Variants in CTNNA2 observed in about 807,000 individuals in gnomAD.
CTNNA2 encodes catenin alpha 2.
CTNNA2 carries 42 observed loss-of-function variants against 101.0 expected under a neutral mutation model. The observed-to-expected ratio is 0.42, with a 90% CI of 0.32 to 0.54. The LOEUF (loss-of-function observed/expected upper bound fraction) is 0.54. Among genes scored for constraint, CTNNA2 ranks in the 20% least tolerant of loss-of-function variants. CTNNA2 has a pLI of 0.14. For synonymous variants in CTNNA2, 450 were observed against 456.4 expected (o/e 0.99, Z 0.18); for missense variants, 871 against 1,223.1 (o/e 0.71, Z 4.29).
At chr2:80,418,024 CA>C (rs552434513) in intron 8 of CTNNA2, among the ~76,000 whole-genome samples, 2 of 152,142 alleles carry the variant, frequency 1.3e-5, no homozygotes, top group Non-Finnish European at 2.9e-5. Context: ...TACTTTATCT[CA>C]ACCTTCTCTT....
chr2:79,849,325 C>T (rs1034400969), intron 3 of CTNNA2, among the ~76,000 whole-genome samples: 12 of 147,492 alleles, frequency 8.1e-5, no homozygotes, highest in African/African-American at 2.8e-4. Flanking sequence ...ATAAGGCTTT[C>T]TTCTGAATAC....
rs866026373 is a variant in CTNNA2, at chr2:79,762,685, G to A, written c.298+18103G>A. ...CATGTTTATATTTCATTTATGTTCTGTCTTGAAAATGAATATAATCAATTA... is the reference window on the plus strand; with the variant it reads ...CATGTTTATATTTCATTTATGTTCTATCTTGAAAATGAATATAATCAATTA... On this transcript the variant is annotated intron_variant, in intron 3 of 18. Transcript: ENST00000402739. 2.0e-5 allele frequency among the ~76,000 whole-genome samples: 3 copies of A among 152,088 alleles called. No homozygotes were observed. The South Asian group carries it at 6.2e-4, about 32-fold the overall frequency.
chr2:80,640,225 GA>G (rs1468188835), intron 18 of CTNNA2, among the ~76,000 whole-genome samples: 1 of 152,198 alleles, frequency 6.6e-6, no homozygotes, highest in Non-Finnish European at 1.5e-5. Context: ...GCCATAAACA[GA>G]ATCAAGTTTT....
intron 7 of CTNNA2, among the ~76,000 whole-genome samples, chr2:80,002,802 A>G (rs940843206): frequency 6.6e-6 from 1 of 152,138 alleles, no homozygotes; most frequent in Non-Finnish European, 1.5e-5. Flanking sequence ...TCACTGATAT[A>G]CTTCTGCCTA....
At chr2:79,831,719 C>T (rs917408679) in intron 3 of CTNNA2, among the ~76,000 whole-genome samples, 7 of 148,376 alleles carry the variant, frequency 4.7e-5, no homozygotes, top group Non-Finnish European at 8.9e-5. Flanking sequence ...CTTTTGTTCT[C>T]GGTGTTTATT....
At chr2:79,500,816 C>T (rs917263229) in intron 4 of CTNNA2, 5 of 152,328 alleles carry the variant, frequency 3.3e-5, no homozygotes, top group African/African-American at 9.7e-5. Flanking sequence ...GTCCCTCTTG[C>T]ATGGTTCTAG....
chr2:80,149,028 T>G (rs867027443), intron 7 of CTNNA2, among the ~76,000 whole-genome samples: 6 of 149,550 alleles, frequency 4.0e-5, no homozygotes, highest in Admixed American at 6.6e-5. Flanking sequence ...TTGTTATTTT[T>G]TTTTTTTTTT....
intron 2 of CTNNA2, among the ~76,000 whole-genome samples, chr2:79,259,392 C>T (rs1049797124): frequency 2.0e-5 from 3 of 152,124 alleles, no homozygotes; most frequent in Non-Finnish European, 4.4e-5. Context: ...GAGCTAGGTG[C>T]AGATCCCACC....
In CTNNA2 at chr2:79,748,224, T is replaced by C. The variant is rs187331479; in HGVS notation, c.298+3642T>C. 3.2e-3 allele frequency among the ~76,000 whole-genome samples: 494 copies of C among 152,304 alleles called. 2 individuals carry two copies. The highest frequency in any genetic ancestry group is 0.011 in the African/African-American group (470 of 41,570). ...TTTTATTTACCAATGAGAGCCTGCA[T>C]TGATTTTCAGAGAGAGAGGTAGAGA... On this transcript the variant is annotated intron_variant, in intron 3 of 18. Coordinates refer to ENST00000402739, the MANE Select transcript of CTNNA2 (RefSeq NM_001282597.3).
At chr2:79,832,687 C>T (rs116561569) in intron 3 of CTNNA2, among the ~76,000 whole-genome samples, 164 of 152,190 alleles carry the variant, frequency 1.1e-3, no homozygotes, top group African/African-American at 3.9e-3. Flanking sequence ...AAAAGCAGGC[C>T]TGTTTGTGAT....
chr2:80,487,958 TCTTA>T (rs1482914735), intron 9 of CTNNA2, among the ~76,000 whole-genome samples: 1 of 152,220 alleles, frequency 6.6e-6, no homozygotes, highest in African/African-American at 2.4e-5. Flanking sequence ...GTATAGAAGT[TCTTA>T]CTTTGTGAAT....
intron 3 of CTNNA2, among the ~76,000 whole-genome samples, chr2:79,835,797 TAA>T (rs1679320483): frequency 2.0e-5 from 3 of 150,178 alleles, no homozygotes; most frequent in South Asian, 4.3e-4. Context: ...CATACCCAGC[TAA>T]TTTTTGTATT....
chr2:80,504,351 C>T (rs1428338484), intron 9 of CTNNA2, among the ~76,000 whole-genome samples: 1 of 152,174 alleles, frequency 6.6e-6, no homozygotes, highest in African/African-American at 2.4e-5. Flanking sequence ...GACTTTAATG[C>T]TTGACCATCT....
At chr2:79,674,084 A>T (rs1421817169) in intron 2 of CTNNA2, among the ~76,000 whole-genome samples, 2 of 152,198 alleles carry the variant, frequency 1.3e-5, no homozygotes, top group East Asian at 3.9e-4. Flanking sequence ...CTGATTCAGT[A>T]GGTCTGGGGT....
At chr2:80,527,766 A>G (rs74729071) in intron 9 of CTNNA2, among the ~76,000 whole-genome samples, 4,405 of 152,252 alleles carry the variant, frequency 0.029, 222 homozygotes, top group African/African-American at 0.097. Context: ...GAAGAGAAAG[A>G]GGCACTCATT....
intron 9 of CTNNA2, among the ~76,000 whole-genome samples, chr2:80,458,589 T>G (rs993686483): frequency 6.6e-6 from 1 of 152,226 alleles, no homozygotes; most frequent in Non-Finnish European, 1.5e-5. Context: ...CTCTTTAACC[T>G]TGAAAAATCC....
chr2:79,665,859 C>T (rs1412504810), intron 2 of CTNNA2, among the ~76,000 whole-genome samples: 1 of 152,130 alleles, frequency 6.6e-6, no homozygotes, highest in South Asian at 2.1e-4. Flanking sequence ...AAAGAAGTAT[C>T]AACTACTTGA....
intron 11 of CTNNA2, among the ~76,000 whole-genome samples, chr2:80,547,511 C>A (rs997085968): frequency 3.9e-5 from 6 of 152,078 alleles, no homozygotes; most frequent in African/African-American, 1.4e-4. Context: ...GCTTTCATTT[C>A]AGCTTCCCTT....
chr2:79,340,644 T>G lies in CTNNA2; in HGVS notation c.-318+27848T>G, dbSNP rs570539903. 1.1e-3 allele frequency among the ~76,000 whole-genome samples: 171 copies of G among 152,050 alleles called. 1 individual carries two copies. Among genetic ancestry groups the G allele is most frequent in the Admixed American group, 7.3e-3 (112 of 15,280 alleles). ...GTCAGGAGATAGAGACCGTCCTGGC[T>G]AACACGGTGAAACCCTGTCTCTACT... On this transcript the variant is annotated intron_variant, in intron 3 of 21. Transcript: ENST00000466387.
Sources: gnomAD v4.1 joint callset for allele counts (sites outside exome capture counted in the v4.1 genomes callset) on GRCh38, gnomAD v4.1.1 for gene constraint, MANE v1.5 for transcripts, NCBI Gene and HGNC (gene_info 2026-07-23, HGNC 2026-07-21) for gene names.